Variants in AGBL4 observed in about 807,000 individuals in gnomAD.
AGBL4 encodes cytosolic carboxypeptidase 6.
AGBL4 carries 58 observed loss-of-function variants against 66.4 expected under a neutral mutation model. The observed-to-expected ratio is 0.87, with a 90% CI of 0.71 to 1.09. The LOEUF (loss-of-function observed/expected upper bound fraction) is 1.09. Among genes scored for constraint, AGBL4 ranks in the 50% least tolerant of loss-of-function variants. The pLI is 0.00. For missense variants in AGBL4, 579 were observed against 631.0 expected, an observed-to-expected ratio of 0.92 and a Z score of 0.88; for synonymous variants, 234 against 222.9, an observed-to-expected ratio of 1.05 and a Z score of -0.44.
chr1:49,394,052 A>T (rs1644905254), intron 3 of AGBL4, among the ~76,000 whole-genome samples: 1 of 151,918 alleles, frequency 6.6e-6, no homozygotes, highest in Non-Finnish European at 1.5e-5. Context: ...TGATCTGATT[A>T]CTCTACTGCT....
intron 6 of AGBL4, among the ~76,000 whole-genome samples, chr1:48,825,590 T>C (rs1384779182): frequency 6.6e-6 from 1 of 152,186 alleles, no homozygotes; most frequent in Admixed American, 6.6e-5. Flanking sequence ...AGAGGAGTGC[T>C]TGGCGTATAA....
chr1:49,430,355 G>A (rs942738712), intron 3 of AGBL4, among the ~76,000 whole-genome samples: 6 of 152,014 alleles, frequency 3.9e-5, no homozygotes, highest in African/African-American at 7.3e-5. Context: ...AAAAATACCC[G>A]GTACTTATTT....
chr1:49,798,927 A>G (rs1003951659), intron 2 of AGBL4, among the ~76,000 whole-genome samples: 1 of 152,196 alleles, frequency 6.6e-6, no homozygotes, highest in African/African-American at 2.4e-5. Flanking sequence ...TCAAAATTAT[A>G]GCTACTTATC....
intron 7 of AGBL4, among the ~76,000 whole-genome samples, chr1:48,657,712 C>A (rs1458648560): frequency 6.6e-6 from 1 of 152,170 alleles, no homozygotes; most frequent in Non-Finnish European, 1.5e-5. Context: ...TTGCCTGCAA[C>A]CCCGAGAGCA....
At chr1:49,987,909 T>C (rs1659633909) in intron 1 of AGBL4, among the ~76,000 whole-genome samples, 1 of 151,690 alleles carries the variant, frequency 6.6e-6, no homozygotes, top group Non-Finnish European at 1.5e-5. Flanking sequence ...TTCAAGTTCA[T>C]GCCTCTAACC....
At chr1:48,797,810 G>A (rs1645724318) in intron 6 of AGBL4, among the ~76,000 whole-genome samples, 1 of 152,128 alleles carries the variant, frequency 6.6e-6, no homozygotes, top group South Asian at 2.1e-4. Context: ...GCCTCCCGAA[G>A]TGTTAGGATT....
At chr1:48,883,301 T>C (rs1649969047) in intron 5 of AGBL4, among the ~76,000 whole-genome samples, 1 of 152,232 alleles carries the variant, frequency 6.6e-6, no homozygotes, top group South Asian at 2.1e-4. Context: ...TTTGTGCTAA[T>C]AGCCATTCTA....
At chr1:49,497,682 T>G (rs995229915) in intron 3 of AGBL4, among the ~76,000 whole-genome samples, 4 of 151,992 alleles carry the variant, frequency 2.6e-5, no homozygotes, top group Non-Finnish European at 5.9e-5. Context: ...TCGTTGAAAA[T>G]AAATTGACCA....
chr1:48,977,663 A>G (rs1659445758), intron 5 of AGBL4, among the ~76,000 whole-genome samples: 1 of 152,114 alleles, frequency 6.6e-6, no homozygotes, highest in Non-Finnish European at 1.5e-5. Flanking sequence ...TAAGGCTACC[A>G]CTGGTCATTT....
intron 7 of AGBL4, among the ~76,000 whole-genome samples, chr1:48,654,369 T>G (rs1645985255): frequency 6.6e-6 from 1 of 152,044 alleles, no homozygotes; most frequent in Admixed American, 6.6e-5. Context: ...CATCTACCCA[T>G]AGAAGAGGGG....
chr1:49,020,297 T>C (rs1401944854), intron 5 of AGBL4, among the ~76,000 whole-genome samples: 2 of 152,140 alleles, frequency 1.3e-5, no homozygotes, highest in Non-Finnish European at 2.9e-5. Context: ...TGTAGACACA[T>C]TATTAAAGAA....
intron 2 of AGBL4, among the ~76,000 whole-genome samples, chr1:49,716,429 A>G (rs1648142491): frequency 6.6e-6 from 1 of 152,088 alleles, no homozygotes; most frequent in Admixed American, 6.6e-5. Context: ...TGTGTTGGCT[A>G]TGCAGGCTCC....
intron 3 of AGBL4, among the ~76,000 whole-genome samples, chr1:49,513,855 G>C (rs552375647): frequency 6.6e-6 from 1 of 152,074 alleles, no homozygotes; most frequent in Admixed American, 6.6e-5. Context: ...ACCAGTTGCT[G>C]TTTGCCAGAC....
intron 2 of AGBL4, among the ~76,000 whole-genome samples, chr1:49,771,175 T>C (rs1644045860): frequency 6.6e-6 from 1 of 152,100 alleles, no homozygotes; most frequent in East Asian, 1.9e-4. Flanking sequence ...TTTGTTTTGT[T>C]CCATAGGTTT....
intron 2 of AGBL4, among the ~76,000 whole-genome samples, chr1:49,738,485 C>A (rs1219178185): frequency 1.3e-5 from 2 of 152,180 alleles, no homozygotes; most frequent in Non-Finnish European, 2.9e-5. Flanking sequence ...GGGGGCAGGG[C>A]ATAGCCAAAC....
rs140002304 is a variant in AGBL4, at chr1:49,647,152, C to T, written c.282+50161G>A. On this transcript the variant is annotated intron_variant, in intron 3 of 13. Coordinates refer to ENST00000371839, the MANE Select transcript of AGBL4 (RefSeq NM_032785.4). ...TAGCTATGGTAACAAAAATCATCAT[C>T]CATAAAAACAAAATTAATAAATGAG... Among the ~76,000 whole-genome samples, 531 of 151,918 alleles carry T rather than the reference C, an allele frequency of 3.5e-3. 1 individual carries two copies. The highest frequency in any genetic ancestry group is 0.017 in the Middle Eastern group (5 of 294).
chr1:49,094,613 A>G (rs1220686363), intron 4 of AGBL4, among the ~76,000 whole-genome samples: 2 of 152,128 alleles, frequency 1.3e-5, no homozygotes, highest in Non-Finnish European at 2.9e-5. Context: ...GGATTTTTGC[A>G]TCGATGTTCA....
At chr1:49,467,313 CA>C (rs1400537341) in intron 3 of AGBL4, among the ~76,000 whole-genome samples, 1 of 151,820 alleles carries the variant, frequency 6.6e-6, no homozygotes, top group African/African-American at 2.4e-5. Context: ...AGTGGTTAGA[CA>C]TGAAAGATCA....
intron 2 of AGBL4, among the ~76,000 whole-genome samples, chr1:49,810,011 A>G (rs1645062156): frequency 6.6e-6 from 1 of 152,224 alleles, no homozygotes; most frequent in Non-Finnish European, 1.5e-5. Context: ...ATTAAAAAAT[A>G]TCTGCTTCTA....
Sources: gnomAD v4.1 joint callset for allele counts (sites outside exome capture counted in the v4.1 genomes callset) on GRCh38, gnomAD v4.1.1 for gene constraint, MANE v1.5 for transcripts, NCBI Gene and HGNC (gene_info 2026-07-23, HGNC 2026-07-21) for gene names.